The following CSMD1 variants were observed in gnomAD, a reference collection of about 807,000 sequenced individuals.
The protein encoded by CSMD1 is CUB and Sushi multiple domains 1.
In CSMD1, 213 loss-of-function variants were observed where a neutral mutation model predicts 417.5. The observed-to-expected ratio is 0.51, with a 90% CI of 0.46 to 0.57. The LOEUF is 0.57. Among genes scored for constraint, CSMD1 ranks in the 20% least tolerant of loss-of-function variants. The probability of loss-of-function intolerance (pLI) is 0.00; values close to 1 mark genes in which losing one functional copy is unlikely to be tolerated. For missense variants in CSMD1, 6,923 were observed against 4,529.7 expected (o/e 1.53, Z -15.17); for synonymous variants, 2,862 against 1,736.8 (o/e 1.65, Z -16.11).
intron 40 of CSMD1, among the ~76,000 whole-genome samples, chr8:3,143,435 T>C (rs1818632338): frequency 6.6e-6 from 1 of 152,330 alleles, no homozygotes; most frequent in East Asian, 1.9e-4. Context: ...ATGACCAGTA[T>C]CTCTGATATC....
intron 41 of CSMD1, among the ~76,000 whole-genome samples, chr8:3,118,825 T>C (rs10105052): frequency 0.016 from 2,399 of 152,272 alleles, 61 homozygotes; most frequent in African/African-American, 0.054. Flanking sequence ...AAGTAGCACA[T>C]ACCAAAAGTA....
rs1483489202 is a variant in CSMD1, at chr8:3,110,349, C to A, written c.6431-14G>T. 1.9e-6 allele frequency: 3 copies of A among 1,577,140 alleles called. No individual in the cohort carries two copies. Among genetic ancestry groups the A allele is most frequent in the Admixed American group, 1.9e-5 (1 of 53,928 alleles). On this transcript the variant is annotated splice_polypyrimidine_tract_variant and intron_variant, in intron 42 of 69. Transcript: ENST00000635120. ...ACCCACAAGGGGCTGCAAAGGAAAC[C>A]AAGAAAAAACAAGCGCCATACAGCT...
At chr8:3,312,564 G>A (rs1175965237) in intron 23 of CSMD1, among the ~76,000 whole-genome samples, 1 of 152,164 alleles carries the variant, frequency 6.6e-6, no homozygotes, top group African/African-American at 2.4e-5. Context: ...CGCAGGATTT[G>A]ATGGTTCACA....
At chr8:3,863,960 C>A (rs1273203871) in intron 5 of CSMD1, among the ~76,000 whole-genome samples, 1 of 152,108 alleles carries the variant, frequency 6.6e-6, no homozygotes, top group Admixed American at 6.5e-5. Context: ...AGGTCTGATT[C>A]TTTTTCCTGA....
At chr8:4,253,722 A>T (rs972571725) in intron 3 of CSMD1, among the ~76,000 whole-genome samples, 5 of 151,872 alleles carry the variant, frequency 3.3e-5, no homozygotes, top group African/African-American at 9.7e-5. Context: ...GCTTAACTAC[A>T]CACATCAATT....
At chr8:3,711,560 T>G (rs1013218816) in intron 6 of CSMD1, among the ~76,000 whole-genome samples, 1 of 152,164 alleles carries the variant, frequency 6.6e-6, no homozygotes, top group African/African-American at 2.4e-5. Context: ...TTCCTCCTCT[T>G]CTCTTCTGCC....
chr8:3,003,029 A>G (rs1383169697), intron 52 of CSMD1, among the ~76,000 whole-genome samples: 1 of 152,226 alleles, frequency 6.6e-6, no homozygotes, highest in African/African-American at 2.4e-5. Flanking sequence ...TCCTATTTTG[A>G]AACAATGAGA....
At chr8:3,765,376 T>C (rs1398679216) in intron 5 of CSMD1, among the ~76,000 whole-genome samples, 1 of 152,194 alleles carries the variant, frequency 6.6e-6, no homozygotes, top group African/African-American at 2.4e-5. Flanking sequence ...TTGTCTTTAA[T>C]AGACTTAACC....
intron 3 of CSMD1, among the ~76,000 whole-genome samples, chr8:4,372,001 G>A (rs976251329): frequency 1.3e-5 from 2 of 152,182 alleles, no homozygotes; most frequent in Non-Finnish European, 2.9e-5. Context: ...GAAGACATAA[G>A]AGTTCAAAGG....
At position 4,334,630 on chromosome 8, in the gene CSMD1, A is replaced by T. The variant is rs549178943; in HGVS notation, c.415+85323T>A. On this transcript the variant is annotated intron_variant, in intron 3 of 69. Coordinates refer to ENST00000635120, the MANE Select transcript of CSMD1 (RefSeq NM_033225.6). ...GTATTTCCTCTGGAGAATGCTGACT[A>T]ATACATAGCTTTATACCTTCTATGG... is the stretch of plus-strand genomic sequence containing the variant. Among the ~76,000 whole-genome samples the T allele has an allele frequency of 2.8e-3, 422 of 152,272 alleles. 3 individuals are homozygous for T. The highest frequency in any genetic ancestry group is 1.0e-2 in the African/African-American group (415 of 41,558).
chr8:4,337,703 A>C (rs985142396), intron 3 of CSMD1, among the ~76,000 whole-genome samples: 8 of 152,290 alleles, frequency 5.3e-5, no homozygotes, highest in African/African-American at 1.9e-4. Flanking sequence ...AACTTTTAAA[A>C]GAGTACACTC....
rs553610331 is a variant in CSMD1 at position 3,744,923 on chromosome 8, A to C, written c.931+9007T>G. Among the ~76,000 whole-genome samples the C allele has an allele frequency of 1.2e-3, 177 of 152,334 alleles. 1 individual carries two copies. Among genetic ancestry groups the C allele is most frequent in the African/African-American group, 3.9e-3 (164 of 41,582 alleles). On this transcript the variant is annotated intron_variant, in intron 6 of 69. Transcript: ENST00000635120. ...CGCTTTAGTTGAGTGGGCCTGAAGC[A>C]GACTGAGGTTTCTAAGGGCTTTAAT...
chr8:3,292,367 A>G (rs908083011), intron 25 of CSMD1, among the ~76,000 whole-genome samples: 6 of 152,062 alleles, frequency 3.9e-5, no homozygotes, highest in Non-Finnish European at 4.4e-5. Flanking sequence ...GCTGAGTTCA[A>G]TTCCTGGGTA....
At chr8:3,667,683 G>A (rs1330944386) in intron 7 of CSMD1, among the ~76,000 whole-genome samples, 1 of 152,130 alleles carries the variant, frequency 6.6e-6, no homozygotes, top group Admixed American at 6.6e-5. Flanking sequence ...GTCCACGCAT[G>A]GTGATGACTG....
chr8:3,979,856 C>G (rs1381515189), intron 5 of CSMD1, among the ~76,000 whole-genome samples: 2 of 152,188 alleles, frequency 1.3e-5, no homozygotes, highest in Non-Finnish European at 2.9e-5. Context: ...ATTTTCAGAG[C>G]TATTTATACT....
intron 3 of CSMD1, among the ~76,000 whole-genome samples, chr8:4,047,889 C>A (rs992049816): frequency 3.3e-5 from 5 of 151,688 alleles, no homozygotes; most frequent in East Asian, 1.9e-4. Flanking sequence ...CATCACTGAG[C>A]CTTTAGTTTG....
At chr8:3,622,069 C>A (rs1796279470) in intron 7 of CSMD1, among the ~76,000 whole-genome samples, 1 of 151,790 alleles carries the variant, frequency 6.6e-6, no homozygotes, top group Admixed American at 6.6e-5. Flanking sequence ...CTTTTCTCTT[C>A]AAGCCCATGT....
At chr8:4,358,925 G>C (rs972024770) in intron 3 of CSMD1, among the ~76,000 whole-genome samples, 12 of 151,978 alleles carry the variant, frequency 7.9e-5, no homozygotes, top group Middle Eastern at 3.4e-3. Flanking sequence ...TAAAAAAACT[G>C]AATAATTAGT....
intron 50 of CSMD1, among the ~76,000 whole-genome samples, chr8:3,033,151 T>C (rs1402907320): frequency 2.0e-5 from 3 of 152,110 alleles, no homozygotes; most frequent in Non-Finnish European, 4.4e-5. Context: ...TTATGAATAA[T>C]CTATAACACT....
Sources: gnomAD v4.1 joint callset for allele counts (sites outside exome capture counted in the v4.1 genomes callset) on GRCh38, gnomAD v4.1.1 for gene constraint, MANE v1.5 for transcripts, NCBI Gene and HGNC (gene_info 2026-07-23, HGNC 2026-07-21) for gene names.